Variants in SORBS2 observed in about 807,000 individuals in gnomAD.
The protein encoded by SORBS2 is sorbin and SH3 domain-containing protein 2.
A neutral mutation model predicts 97.7 loss-of-function variants in SORBS2; 46 were observed. That is an observed-to-expected ratio of 0.47 (90% CI 0.37 to 0.60). The LOEUF (loss-of-function observed/expected upper bound fraction) is 0.60. SORBS2 is among the 20% of genes least tolerant of loss of function. The pLI is 0.00. For synonymous variants in SORBS2, 476 were observed against 473.4 expected, an observed-to-expected ratio of 1.01 and a Z score of -0.07; for missense variants, 1,316 against 1,282.3, an observed-to-expected ratio of 1.03 and a Z score of -0.40.
intron 2 of SORBS2, among the ~76,000 whole-genome samples, chr4:185,709,304 C>CTTTTTTTTTTTTT (rs70962587): frequency 6.2e-5 from 6 of 96,792 alleles, no homozygotes; most frequent in African/African-American, 1.6e-4. Context: ...CTGGCCAAAT[C>CTTTTTTTTTTTTT]TTTTTTTTTT....
At chr4:185,898,394 C>T (rs1015294299) in intron 1 of SORBS2, among the ~76,000 whole-genome samples, 2 of 152,126 alleles carry the variant, frequency 1.3e-5, no homozygotes, top group African/African-American at 4.8e-5. Flanking sequence ...CTCAAACTAG[C>T]ACCATGTCTG....
At chr4:185,766,851 A>G (rs2098936763) in intron 2 of SORBS2, among the ~76,000 whole-genome samples, 1 of 152,196 alleles carries the variant, frequency 6.6e-6, no homozygotes, top group African/African-American at 2.4e-5. Flanking sequence ...TACATGCTGT[A>G]CGTGTGTTTT....
rs909310614 is a variant in SORBS2 at position 185,646,489 on chromosome 4, A to G, written c.396+179T>C. 5.4e-6 allele frequency: 3 copies of G among 558,130 alleles called. No homozygotes were observed. In the African/African-American group the frequency reaches 5.6e-5, roughly 10 times the overall value. The allele number at this position is 558,130 out of a possible 1,614,324, so 34.6% of individuals were successfully genotyped here. A position where few individuals can be genotyped will look rare whatever the true frequency, so the allele number is the denominator to read the frequency against. On this transcript the variant is annotated intron_variant, in intron 4 of 14. Transcript: ENST00000418609. ...TGTATTTGGTCAGTAAAGACAATATATTAGAACATGTATCTTTCAATTCTG... is the reference window on the plus strand; with the variant it reads ...TGTATTTGGTCAGTAAAGACAATATGTTAGAACATGTATCTTTCAATTCTG...
At chr4:185,928,648 C>T (rs897368154) in intron 1 of SORBS2, among the ~76,000 whole-genome samples, 7 of 152,062 alleles carry the variant, frequency 4.6e-5, no homozygotes, top group South Asian at 2.1e-4. Context: ...TGGGTTCATG[C>T]CATTCTCCTG....
At chr4:185,651,910 A>C in intron 2 of SORBS2, 82 bp from the exon 11 acceptor site, 1 of 758,094 alleles carries the variant, frequency 1.3e-6, no homozygotes, top group Admixed American at 2.3e-5. Flanking sequence ...GACAAACAAC[A>C]GAAATTTGTT....
At chr4:185,755,820 CAT>C (rs1277606524) in intron 2 of SORBS2, among the ~76,000 whole-genome samples, 1 of 151,604 alleles carries the variant, frequency 6.6e-6, no homozygotes, top group African/African-American at 2.4e-5. Flanking sequence ...TTACATTCCT[CAT>C]ATCTCACTTG....
intron 4 of SORBS2, chr4:185,677,366 T>A: frequency 1.3e-6 from 2 of 1,552,374 alleles, no homozygotes; most frequent in Admixed American, 2.0e-5. Context: ...TGTTAGCGAA[T>A]GGTGCAGGAT....
intron 2 of SORBS2, among the ~76,000 whole-genome samples, chr4:185,713,876 G>C (rs1475125534): frequency 1.3e-5 from 2 of 151,992 alleles, no homozygotes; most frequent in African/African-American, 4.8e-5. Context: ...TTGTCGTTTT[G>C]TGTGAAACTA....
chr4:185,775,483 T>C (rs1178092302), intron 1 of SORBS2, 117 bp from the exon 2 acceptor site: 2 of 152,078 alleles, frequency 1.3e-5, no homozygotes, highest in Admixed American at 1.3e-4. Flanking sequence ...GCAGCCGGGG[T>C]TGTCTGCAAA....
At chr4:185,843,178 C>A (rs1194056014) in intron 1 of SORBS2, among the ~76,000 whole-genome samples, 1 of 151,944 alleles carries the variant, frequency 6.6e-6, no homozygotes, top group Non-Finnish European at 1.5e-5. Context: ...AGGAAAAGGC[C>A]CCCACAAAAG....
chr4:185,677,309 A>G, intron 4 of SORBS2: 1 of 1,552,240 alleles, frequency 6.4e-7, no homozygotes, highest in Non-Finnish European at 8.7e-7. Flanking sequence ...AAATCCTCCG[A>G]GTTTGAGAAT....
chr4:185,799,628 C>T (rs887095768), intron 1 of SORBS2, among the ~76,000 whole-genome samples: 3 of 152,172 alleles, frequency 2.0e-5, no homozygotes, highest in Admixed American at 6.5e-5. Context: ...CCAGAGTTTA[C>T]TTAGAGATGA....
At chr4:185,640,293 G>A (rs1182219534) in intron 4 of SORBS2, among the ~76,000 whole-genome samples, 1 of 152,114 alleles carries the variant, frequency 6.6e-6, no homozygotes, top group Non-Finnish European at 1.5e-5. Context: ...TAGTTACAAA[G>A]GTATTACAAA....
chr4:185,874,405 TC>T (rs1399151875), intron 1 of SORBS2, among the ~76,000 whole-genome samples: 3 of 152,190 alleles, frequency 2.0e-5, no homozygotes, highest in Non-Finnish European at 4.4e-5. Context: ...ATGCAAGCTT[TC>T]TGAGGGTAAG....
intron 2 of SORBS2, among the ~76,000 whole-genome samples, chr4:185,702,759 A>G (rs948754251): frequency 6.6e-6 from 1 of 152,130 alleles, no homozygotes; most frequent in Non-Finnish European, 1.5e-5. Flanking sequence ...CCTGAGTTTT[A>G]AAGTTTATAA....
At chr4:185,836,610 G>A (rs997864540) in intron 1 of SORBS2, among the ~76,000 whole-genome samples, 2 of 106,894 alleles carry the variant, frequency 1.9e-5, no homozygotes, top group East Asian at 2.9e-4. Flanking sequence ...GTGTCACACC[G>A]AGCCTCAGAA....
At chr4:185,642,562 C>G (rs1271262781) in intron 4 of SORBS2, among the ~76,000 whole-genome samples, 1 of 152,136 alleles carries the variant, frequency 6.6e-6, no homozygotes, top group Non-Finnish European at 1.5e-5. Context: ...CGAGTCAGTT[C>G]AAGGCAAATT....
intron 2 of SORBS2, among the ~76,000 whole-genome samples, chr4:185,683,629 G>A (rs1582668743): frequency 1.3e-5 from 2 of 152,102 alleles, no homozygotes; most frequent in Admixed American, 1.3e-4. Context: ...CCAAAATGAG[G>A]TCATACTATA....
intron 1 of SORBS2, among the ~76,000 whole-genome samples, chr4:185,936,060 T>C (rs574666276): frequency 6.6e-6 from 1 of 152,336 alleles, no homozygotes; most frequent in South Asian, 2.1e-4. Context: ...CCATGTTGCA[T>C]GTTGGACAGG....
Sources: allele counts gnomAD v4.1 joint callset (sites outside exome capture counted in the v4.1 genomes callset), GRCh38; gene constraint gnomAD v4.1.1; transcripts MANE v1.5; gene names NCBI Gene and HGNC (gene_info 2026-07-23, HGNC 2026-07-21).